Variants in ADGRV1 observed in about 807,000 individuals in gnomAD.
The protein encoded by ADGRV1 is adhesion G protein-coupled receptor V1, also known as G-protein coupled receptor 98.
A neutral mutation model predicts 596.2 loss-of-function variants in ADGRV1; 359 were observed. The ratio of observed to expected loss-of-function variants is 0.60; its 90% CI spans 0.55 to 0.66. ADGRV1 has a LOEUF of 0.66. ADGRV1 is among the 30% of genes least tolerant of loss of function. ADGRV1 has a pLI of 0.00. For synonymous variants in ADGRV1, 2,681 were observed against 2,679.2 expected (o/e 1.00, Z -0.02); for missense variants, 7,274 against 7,575.6 (o/e 0.96, Z 1.48).
chr5:90,663,991 T>C (rs1770855954), intron 21 of ADGRV1, among the ~76,000 whole-genome samples: 1 of 145,424 alleles, frequency 6.9e-6, no homozygotes, highest in Non-Finnish European at 1.5e-5. Flanking sequence ...TTGGTACCAG[T>C]ACCATGCTGT....
chr5:90,852,361 C>T (rs1766617383), intron 79 of ADGRV1, among the ~76,000 whole-genome samples: 1 of 152,202 alleles, frequency 6.6e-6, no homozygotes, highest in Non-Finnish European at 1.5e-5. Flanking sequence ...GTTGTACATA[C>T]TCTACATCTA....
At chr5:90,871,559 A>G (rs952273985) in intron 83 of ADGRV1, among the ~76,000 whole-genome samples, 1 of 152,360 alleles carries the variant, frequency 6.6e-6, no homozygotes, top group African/African-American at 2.4e-5. Flanking sequence ...CTACAGTGAC[A>G]TTATCATGTT....
chr5:90,725,318 T>G, intron 47 of ADGRV1, 86 bp downstream of exon 47: 1 of 932,876 alleles, frequency 1.1e-6, no homozygotes, highest in Non-Finnish European at 1.5e-6. Context: ...AGATAATGTA[T>G]GTTTTATGTT....
chr5:90,589,521 G>A (rs1759202025), intron 1 of ADGRV1, among the ~76,000 whole-genome samples: 1 of 152,136 alleles, frequency 6.6e-6, no homozygotes. Context: ...TACAATAGAT[G>A]ATCTGTTTTT....
chr5:90,782,381 A>G (rs558502524), intron 65 of ADGRV1, among the ~76,000 whole-genome samples: 55 of 152,230 alleles, frequency 3.6e-4, no homozygotes, highest in African/African-American at 1.3e-3. Flanking sequence ...TAAGAAATAA[A>G]TGAGACTTGG....
intron 31 of ADGRV1, 108 bp downstream of exon 31, chr5:90,691,149 T>C: frequency 7.4e-7 from 1 of 1,357,012 alleles, no homozygotes; most frequent in Non-Finnish European, 1.1e-6. Flanking sequence ...AATAAATTAT[T>C]CCTGCAAGAA....
intron 1 of ADGRV1, among the ~76,000 whole-genome samples, chr5:90,610,428 A>G (rs16868834): frequency 0.021 from 3,236 of 152,078 alleles, 102 homozygotes; most frequent in African/African-American, 0.067. Context: ...TAGCTTTTTC[A>G]GGACACTGAG....
chr5:90,614,338 AAG>A (rs1763077500), intron 1 of ADGRV1: 3 of 282,206 alleles, frequency 1.1e-5, no homozygotes, highest in South Asian at 9.5e-5. Flanking sequence ...TGCAATAACT[AAG>A]AATTTAAAAA....
At chr5:90,751,653 C>T (rs1755266783) in intron 53 of ADGRV1, among the ~76,000 whole-genome samples, 1 of 152,106 alleles carries the variant, frequency 6.6e-6, no homozygotes, top group Non-Finnish European at 1.5e-5. Context: ...CCTTTGGTTT[C>T]ATAGATTAGT....
intron 83 of ADGRV1, among the ~76,000 whole-genome samples, chr5:90,927,684 G>GC (rs1336682746): frequency 1.3e-5 from 2 of 151,750 alleles, no homozygotes; most frequent in Non-Finnish European, 2.9e-5. Flanking sequence ...TATGATGTTA[G>GC]GGGTGATTTT....
In ADGRV1 at chr5:90,652,488, A is replaced by G. The variant is rs16868935; in HGVS notation, c.3559A>G (p.Ile1187Val). 1.9e-3 allele frequency: 3,034 copies of G among 1,613,458 alleles called. 52 individuals carry two copies. In the African/African-American group the frequency reaches 0.032, roughly 17 times the overall value. The change falls in exon 19 of 90, where the codon ATC becomes GTC. Residue 1187 changes from isoleucine (I) to valine (V), a missense_variant. Coordinates refer to ENST00000405460, the MANE Select transcript of ADGRV1 (RefSeq NM_032119.4). ...NFMDGEEAKP[I>V]ILHAFPDKIP... Reference sequence around the variant, plus strand: ...CATGGATGGAGAAGAAGCAAAACCAATCATTCTCCATGCTTTTCCAGATAA... The same window carrying G: ...CATGGATGGAGAAGAAGCAAAACCAGTCATTCTCCATGCTTTTCCAGATAA...
intron 59 of ADGRV1, among the ~76,000 whole-genome samples, chr5:90,768,829 C>T (rs138831601): frequency 2.6e-5 from 4 of 152,164 alleles, no homozygotes; most frequent in South Asian, 2.1e-4. Flanking sequence ...GGTGGAGATT[C>T]GTGTCCAGAG....
intron 1 of ADGRV1, among the ~76,000 whole-genome samples, chr5:90,598,516 G>A (rs1425868502): frequency 7.2e-5 from 11 of 152,182 alleles, no homozygotes; most frequent in Admixed American, 6.5e-4. Context: ...GTGCTGACCC[G>A]TGCCAGGAGT....
At chr5:90,747,269 C>A (rs1754729707) in intron 52 of ADGRV1, among the ~76,000 whole-genome samples, 1 of 152,038 alleles carries the variant, frequency 6.6e-6, no homozygotes, top group South Asian at 2.1e-4. Context: ...AACAAGGAGG[C>A]CACTGTGGCT....
At chr5:90,564,785 C>T (rs1320808389) in intron 1 of ADGRV1, among the ~76,000 whole-genome samples, 1 of 81,958 alleles carries the variant, frequency 1.2e-5, no homozygotes, top group Non-Finnish European at 2.5e-5. Flanking sequence ...CGCCACTGCG[C>T]CCGGCTAATT....
At chr5:91,023,164 G>A (rs548747026) in intron 85 of ADGRV1, among the ~76,000 whole-genome samples, 8 of 152,244 alleles carry the variant, frequency 5.3e-5, no homozygotes, top group African/African-American at 1.4e-4. Flanking sequence ...ATAAACAAGT[G>A]TATATTGAAT....
intron 85 of ADGRV1, among the ~76,000 whole-genome samples, chr5:91,047,297 G>C (rs1785917766): frequency 6.6e-6 from 1 of 152,020 alleles, no homozygotes; most frequent in Non-Finnish European, 1.5e-5. Context: ...TCTCTAGAGG[G>C]AGGGACAGAA....
chr5:90,701,969 T>A (rs1747963137), intron 34 of ADGRV1, among the ~76,000 whole-genome samples: 1 of 137,716 alleles, frequency 7.3e-6, no homozygotes, highest in Non-Finnish European at 1.6e-5. Flanking sequence ...CATAATTTTC[T>A]TTTTGAACCA....
intron 73 of ADGRV1, among the ~76,000 whole-genome samples, chr5:90,809,008 G>A (rs1246586112): frequency 1.3e-5 from 2 of 149,392 alleles, no homozygotes; most frequent in African/African-American, 4.9e-5. Flanking sequence ...CTGTAGTGGT[G>A]CTAGCTCGGC....
Sources: allele counts gnomAD v4.1 joint callset (sites outside exome capture counted in the v4.1 genomes callset), GRCh38; gene constraint gnomAD v4.1.1; transcripts MANE v1.5; gene names NCBI Gene and HGNC (gene_info 2026-07-23, HGNC 2026-07-21).